Variants in BIN1 observed in about 807,000 individuals in gnomAD.
BIN1 encodes bridging integrator 1.
A neutral mutation model predicts 82.0 loss-of-function variants in BIN1; 53 were observed. The ratio of observed to expected loss-of-function variants is 0.65; its 90% CI spans 0.52 to 0.81. The LOEUF (loss-of-function observed/expected upper bound fraction) is 0.81, where lower values mean the gene tolerates loss of function less well. Among genes scored for constraint, BIN1 ranks in the 40% least tolerant of loss-of-function variants. The pLI is 0.00. For missense variants in BIN1, 642 were observed against 784.4 expected, an observed-to-expected ratio of 0.82 and a Z score of 2.17; for synonymous variants, 302 against 328.0, an observed-to-expected ratio of 0.92 and a Z score of 0.86.
chr2:127,063,896 C>A, intron 8 of BIN1, 37 bp downstream of exon 8: 10 of 1,611,934 alleles, frequency 6.2e-6, no homozygotes, highest in Non-Finnish European at 8.5e-6. Context: ...AGACTGGACA[C>A]TGCCCCACGC....
rs1174058732 is a variant in BIN1 at position 127,063,846 on chromosome 2, GCTGGGCACCACAGCACGCAGA to G, written c.698+66_698+86del. On this transcript the variant is annotated intron_variant, in intron 8 of 18. Transcript: ENST00000316724. ...GCAGACTGGACACCGCAGCACGCAG[GCTGGGCACCACAGCACGCAGA>G]CTGGGCACCGCAGCACGCAGACTGG... The G allele has an allele frequency of 2.8e-5, 43 of 1,550,030 alleles. 1 individual carries two copies. The highest frequency in any genetic ancestry group is 1.3e-4 in the East Asian group (6 of 44,494).
intron 3 of BIN1, 42 bp from the exon 4 acceptor site, chr2:127,070,689 C>A (rs373215944): frequency 6.2e-7 from 1 of 1,613,714 alleles, no homozygotes; most frequent in East Asian, 2.2e-5. Flanking sequence ...CCACTGATAG[C>A]GCTTGTCCCA....
At position 127,057,746 on chromosome 2, in the gene BIN1, A is replaced by G; in HGVS notation, c.1003-145T>C. The G allele has an allele frequency of 9.6e-7, 1 of 1,042,260 alleles. No homozygotes were observed. Among genetic ancestry groups the G allele is most frequent in the South Asian group, 2.5e-5 (1 of 39,970 alleles). 64.6% of individuals were successfully genotyped at this position (1,042,260 alleles called of 1,614,324 possible). On this transcript the variant is annotated intron_variant, in intron 11 of 18. Coordinates refer to ENST00000316724, the MANE Select transcript of BIN1 (RefSeq NM_139343.3). This position sits in a 1 kb window ranked among gnomAD's most constrained non-coding sequence, Gnocchi z 5.0. ...GCCACTGAGCAGGACGCAGCAAATG[A>G]AGAGTCACTGCCCTCCCAGCCCCCC...
rs1278753252 is a variant in BIN1 at position 127,052,317 on chromosome 2, C to T, written c.1309G>A (p.Ala437Thr). 1.9e-6 allele frequency: 3 copies of T among 1,586,974 alleles called. No individual in the cohort carries two copies. Among genetic ancestry groups the T allele is most frequent in the South Asian group, 1.1e-5 (1 of 87,044 alleles). Residue 437 changes from alanine (A) to threonine (T), a missense_variant, in exon 15 of 19, where the codon GCT becomes ACT. Coordinates refer to ENST00000316724, the MANE Select transcript of BIN1 (RefSeq NM_139343.3). ...AGSLPSGEPS[A>T]AEGTFAVSWP... ...GACACAGCAAAGGTGCCCTCGGCAG[C>T]GCTGGGCTCCCCGGAAGGCAGGCTG... is the stretch of plus-strand genomic sequence containing the variant.
At chr2:127,074,552 A>C (rs895898888) in intron 2 of BIN1, among the ~76,000 whole-genome samples, 3 of 152,322 alleles carry the variant, frequency 2.0e-5, no homozygotes, top group African/African-American at 7.2e-5. Context: ...GCAGTGAGTG[A>C]CTGTTTGCCC....
In BIN1 at chr2:127,067,257, T is replaced by C. The variant is rs542052308; in HGVS notation, c.612+906A>G. ...CCCTATCGCCAGCCTCTCGGGAATA[T>C]GGAGAAGTGTGAGGGCCACATCCAG... On this transcript the variant is annotated intron_variant, in intron 7 of 18. Coordinates refer to ENST00000316724, the MANE Select transcript of BIN1 (RefSeq NM_139343.3). This position sits in a 1 kb window ranked among gnomAD's most constrained non-coding sequence, Gnocchi z 4.7. 6.6e-6 allele frequency among the ~76,000 whole-genome samples: 1 copy of C among 151,942 alleles called. No homozygotes were observed. Among genetic ancestry groups the C allele is most frequent in the East Asian group, 1.9e-4 (1 of 5,164 alleles).
chr2:127,094,859 C>T (rs1454978100), intron 1 of BIN1, among the ~76,000 whole-genome samples: 1 of 152,218 alleles, frequency 6.6e-6, no homozygotes, highest in African/African-American at 2.4e-5. Context: ...CACCAGCCCC[C>T]GGGTGGTGCT....
chr2:127,048,698 C>T, intron 18 of BIN1, 65 bp from the exon 19 acceptor site: 1 of 1,474,484 alleles, frequency 6.8e-7, no homozygotes, highest in Non-Finnish European at 9.5e-7. Flanking sequence ...GGGCACGCAT[C>T]CCACTCCAAC....
At chr2:127,092,959 GCAGA>G (rs769725341) in intron 1 of BIN1, among the ~76,000 whole-genome samples, 3 of 151,744 alleles carry the variant, frequency 2.0e-5, no homozygotes, top group Non-Finnish European at 4.4e-5. Flanking sequence ...AAGGGGCTGA[GCAGA>G]CAGACAGAGG....
At chr2:127,065,551 C>T (rs950092874) in intron 7 of BIN1, among the ~76,000 whole-genome samples, 2 of 152,104 alleles carry the variant, frequency 1.3e-5, no homozygotes, top group Non-Finnish European at 2.9e-5. Context: ...ATCACACATA[C>T]CCCCTGCCCT....
intron 1 of BIN1, among the ~76,000 whole-genome samples, chr2:127,103,294 G>A (rs533391600): frequency 2.0e-5 from 3 of 152,286 alleles, no homozygotes; most frequent in South Asian, 2.1e-4. Context: ...GGAGGCTAAG[G>A]TGGCTACTGC....
At chr2:127,080,556 A>G (rs1406614202) in intron 1 of BIN1, among the ~76,000 whole-genome samples, 1 of 152,244 alleles carries the variant, frequency 6.6e-6, no homozygotes, top group East Asian at 1.9e-4. Context: ...TCACTCTGTG[A>G]TAAACAAAGG....
chr2:127,069,516 G>A (rs1033419261), intron 5 of BIN1, among the ~76,000 whole-genome samples: 3 of 152,158 alleles, frequency 2.0e-5, no homozygotes, highest in African/African-American at 7.2e-5. Flanking sequence ...CCAGCTCCGA[G>A]CACCAACCCA....
At chr2:127,064,050 T>C (rs1191104166) in intron 7 of BIN1, 32 bp from the exon 8 acceptor site, 1 of 1,613,264 alleles carries the variant, frequency 6.2e-7, no homozygotes, top group South Asian at 1.1e-5. Context: ...TCCCCTCTGT[T>C]GGGCGTCCCA....
rs373457622 is a variant in BIN1, at chr2:127,051,260, G to A, written c.1372-17C>T. 63 of 1,612,892 alleles carry A rather than the reference G, an allele frequency of 3.9e-5. 1 individual carries two copies. Among genetic ancestry groups the A allele is most frequent in the South Asian group, 9.9e-5 (9 of 91,048 alleles). Reference sequence around the variant, plus strand: ...CTCTGCTGGCTGCAACATAAATGCCGGCTTGGGGTCAGACACAGGACAGGA... The same window carrying A: ...CTCTGCTGGCTGCAACATAAATGCCAGCTTGGGGTCAGACACAGGACAGGA... On this transcript the variant is annotated splice_polypyrimidine_tract_variant and intron_variant, in intron 15 of 18. Coordinates refer to ENST00000316724, the MANE Select transcript of BIN1 (RefSeq NM_139343.3).
At chr2:127,096,885 G>A (rs1413725583) in intron 1 of BIN1, among the ~76,000 whole-genome samples, 2 of 152,174 alleles carry the variant, frequency 1.3e-5, no homozygotes. Flanking sequence ...AGTAGCAGCA[G>A]CTGTTGGAAA....
intron 12 of BIN1, chr2:127,054,248 G>A (rs947460375): frequency 3.0e-5 from 17 of 564,024 alleles, no homozygotes; most frequent in South Asian, 1.4e-4. Context: ...ACAGGCTCCC[G>A]CCCACACCAG....
At chr2:127,103,058 G>A (rs568731197) in intron 1 of BIN1, among the ~76,000 whole-genome samples, 4 of 152,316 alleles carry the variant, frequency 2.6e-5, no homozygotes, top group South Asian at 2.1e-4. Context: ...GGAAGGGGGC[G>A]GGACCCCTGC....
intron 1 of BIN1, 122 bp downstream of exon 1, chr2:127,106,738 A>C: frequency 1.6e-6 from 2 of 1,260,182 alleles, no homozygotes; most frequent in Non-Finnish European, 2.2e-6. Context: ...GCGCTCCTCT[A>C]GAGGTGACAG....
Sources: allele counts gnomAD v4.1 joint callset (sites outside exome capture counted in the v4.1 genomes callset), GRCh38; gene constraint gnomAD v4.1.1; non-coding constraint Gnocchi (gnomAD v3.1); transcripts MANE v1.5; gene names NCBI Gene and HGNC (gene_info 2026-07-23, HGNC 2026-07-21).